KIFAP3: variants seen among roughly 807,000 people sequenced by gnomAD.
KIFAP3 encodes kinesin-associated protein 3.
Under a neutral mutation model 106.5 loss-of-function variants are expected in KIFAP3, and 68 were observed. That is an observed-to-expected ratio of 0.64 (90% CI 0.53 to 0.78). KIFAP3 has a LOEUF of 0.78. Among genes scored for constraint, KIFAP3 ranks in the 30% least tolerant of loss-of-function variants. KIFAP3 has a pLI of 0.00. For missense variants in KIFAP3, 780 were observed against 941.8 expected (o/e 0.83, Z 2.25); for synonymous variants, 320 against 311.5 (o/e 1.03, Z -0.29).
chr1:170,008,430 A>G (rs369201612), intron 10 of KIFAP3, among the ~76,000 whole-genome samples: 12 of 151,744 alleles, frequency 7.9e-5, no homozygotes, highest in Non-Finnish European at 1.6e-4. Flanking sequence ...CAAGAAAAAA[A>G]CAAACAACCC....
At position 169,944,975 on chromosome 1, in the gene KIFAP3, G is replaced by A. The variant is rs572487217; in HGVS notation, c.2273+9036C>T. ...CTCAGGCCATCCCTGGTTAGAAGGT[G>A]GGGTTTCACTGGGGATTCACTCCTT... On this transcript the variant is annotated intron_variant, in intron 19 of 19. Coordinates refer to ENST00000361580, the MANE Select transcript of KIFAP3 (RefSeq NM_014970.4). Among the ~76,000 whole-genome samples the A allele has an allele frequency of 4.6e-5, 7 of 152,278 alleles. No individual in the cohort carries two copies. In the South Asian group the frequency reaches 1.5e-3, roughly 32 times the overall value.
chr1:170,055,019 T>G (rs990403382), intron 2 of KIFAP3, among the ~76,000 whole-genome samples: 5 of 152,200 alleles, frequency 3.3e-5, no homozygotes, highest in Admixed American at 1.3e-4. Flanking sequence ...TTATGGTTGA[T>G]TTCACAAGTT....
chr1:170,079,263 A>G (rs1237114183), upstream of KIFAP3, among the ~76,000 whole-genome samples: 2 of 152,178 alleles, frequency 1.3e-5, no homozygotes, highest in Non-Finnish European at 2.9e-5. Flanking sequence ...ATCACTGCAC[A>G]TGCTGGCTCC....
chr1:170,056,731 C>T (rs1329487047), intron 1 of KIFAP3, among the ~76,000 whole-genome samples: 1 of 152,036 alleles, frequency 6.6e-6, no homozygotes, highest in Non-Finnish European at 1.5e-5. Context: ...AAAGGAGATG[C>T]ATCTGGAGTG....
chr1:170,023,472 T>A (rs1244488462), intron 9 of KIFAP3, among the ~76,000 whole-genome samples: 1 of 152,082 alleles, frequency 6.6e-6, no homozygotes, highest in Non-Finnish European at 1.5e-5. Context: ...AAAATTATCC[T>A]CAATGGAGTT....
At chr1:169,979,551 A>G (rs140123370) in intron 15 of KIFAP3, among the ~76,000 whole-genome samples, 29 of 152,318 alleles carry the variant, frequency 1.9e-4, no homozygotes, top group East Asian at 7.7e-4. Context: ...GATGAACTTC[A>G]TTAGTCATTA....
intron 19 of KIFAP3, among the ~76,000 whole-genome samples, chr1:169,924,845 AT>A (rs1217017072): frequency 1.3e-5 from 2 of 152,216 alleles, no homozygotes; most frequent in African/African-American, 2.4e-5. Flanking sequence ...GAAACTATGA[AT>A]ATAAAAAGGC....
chr1:169,961,599 T>C (rs545148253), intron 17 of KIFAP3, among the ~76,000 whole-genome samples: 47 of 152,228 alleles, frequency 3.1e-4, no homozygotes, highest in Non-Finnish European at 6.5e-4. Context: ...TGGATTTCAA[T>C]TGCACAGGTC....
chr1:169,982,569 G>C (rs1666580506), intron 14 of KIFAP3, 133 bp downstream of exon 14: 1 of 524,336 alleles, frequency 1.9e-6, no homozygotes, highest in South Asian at 5.1e-5. Context: ...TACCTTTCTG[G>C]GAGAAGAGAG....
intron 10 of KIFAP3, among the ~76,000 whole-genome samples, chr1:170,015,127 G>A (rs1025237876): frequency 1.3e-5 from 2 of 152,082 alleles, no homozygotes; most frequent in African/African-American, 2.4e-5. Context: ...TATGAAGTGG[G>A]TATCACATGA....
At chr1:170,028,801 C>T (rs1201192149) in intron 8 of KIFAP3, among the ~76,000 whole-genome samples, 1 of 151,866 alleles carries the variant, frequency 6.6e-6, no homozygotes, top group Non-Finnish European at 1.5e-5. Flanking sequence ...TGTAGGTAGA[C>T]AACTATGATT....
intron 19 of KIFAP3, among the ~76,000 whole-genome samples, chr1:169,934,937 T>A (rs920442197): frequency 3.9e-5 from 6 of 152,086 alleles, no homozygotes; most frequent in Admixed American, 6.6e-5. Context: ...TAGTTTCTTT[T>A]TCCCCATAGT....
intron 2 of KIFAP3, among the ~76,000 whole-genome samples, chr1:170,054,485 T>C (rs1294662512): frequency 2.0e-5 from 3 of 152,206 alleles, no homozygotes; most frequent in African/African-American, 7.2e-5. Flanking sequence ...TTATAAATCA[T>C]TCTACTATAA....
At chr1:170,061,756 A>T (rs1671169061) in intron 1 of KIFAP3, among the ~76,000 whole-genome samples, 1 of 152,224 alleles carries the variant, frequency 6.6e-6, no homozygotes, top group South Asian at 2.1e-4. Flanking sequence ...AAGACTTGGA[A>T]CCAACCCAAA....
chr1:170,046,504 A>T (rs2102086570), intron 3 of KIFAP3, among the ~76,000 whole-genome samples: 1 of 152,310 alleles, frequency 6.6e-6, no homozygotes, highest in Non-Finnish European at 1.5e-5. Flanking sequence ...GAATTAGACC[A>T]TTTTATGTGG....
rs557731650 is a variant in KIFAP3, at chr1:169,951,232, T to C, written c.2273+2779A>G. Among the ~76,000 whole-genome samples the C allele has an allele frequency of 3.3e-5, 5 of 152,074 alleles. No individual in the cohort carries two copies. The South Asian group carries it at 1.0e-3, about 31-fold the overall frequency. On this transcript the variant is annotated intron_variant, in intron 19 of 19. Coordinates refer to ENST00000361580, the MANE Select transcript of KIFAP3 (RefSeq NM_014970.4). ...TTTCTTCTAAACATGAAAAAAGTGA[T>C]ACAGTTAAATGTGATTGAAGGCCTT...
In KIFAP3 at chr1:169,984,653, A is replaced by G. The variant is rs748016525; in HGVS notation, c.1322T>C (p.Ile441Thr). 6.2e-7 allele frequency: 1 copy of G among 1,608,408 alleles called. No homozygotes were observed. The highest frequency in any genetic ancestry group is 8.5e-7 in the Non-Finnish European group (1 of 1,175,944). Residue 441 changes from isoleucine (I) to threonine (T), a missense_variant, in exon 12 of 20, where the codon ATT (isoleucine) becomes ACT (threonine). Transcript: ENST00000361580. ...GCAGAAAGAAATGAGTTCCAAGTCA[A>G]TTCGTTCATCTGAACATTCAAACAG... ...KMLFECSDER[I>T]DLELISFCIN... is the part of the protein sequence containing the mutation.
At chr1:169,991,514 C>G (rs1265586942) in intron 11 of KIFAP3, among the ~76,000 whole-genome samples, 1 of 152,014 alleles carries the variant, frequency 6.6e-6, no homozygotes, top group Non-Finnish European at 1.5e-5. Context: ...ACAATAATAT[C>G]CAGTGTTGCT....
chr1:169,970,711 G>A (rs1665876456), intron 17 of KIFAP3, among the ~76,000 whole-genome samples: 1 of 151,988 alleles, frequency 6.6e-6, no homozygotes, highest in African/African-American at 2.4e-5. Flanking sequence ...TCCTAAGCAG[G>A]TTTCTTATAA....
Sources: allele counts gnomAD v4.1 joint callset (sites outside exome capture counted in the v4.1 genomes callset), GRCh38; gene constraint gnomAD v4.1.1; transcripts MANE v1.5; gene names NCBI Gene and HGNC (gene_info 2026-07-23, HGNC 2026-07-21).